Variants in VWDE observed in about 807,000 individuals in gnomAD.
VWDE encodes the protein von Willebrand factor D and EGF domains.
Under a neutral mutation model 178.4 loss-of-function variants are expected in VWDE, and 207 were observed. The ratio of observed to expected loss-of-function variants is 1.16; its 90% CI spans 1.04 to 1.30. The LOEUF (loss-of-function observed/expected upper bound fraction) is 1.30, where lower values mean the gene tolerates loss of function less well. Ranked by LOEUF, VWDE falls within the 50% of genes most tolerant of loss-of-function variation. The pLI is 0.00. For missense variants in VWDE, 2,287 were observed against 1,901.3 expected (o/e 1.20, Z -3.77); for synonymous variants, 738 against 651.4 (o/e 1.13, Z -2.02).
chr7:12,332,517 A>G (rs1217176608), intron 28 of VWDE, among the ~76,000 whole-genome samples: 1 of 152,168 alleles, frequency 6.6e-6, no homozygotes, highest in Non-Finnish European at 1.5e-5. Context: ...TAGAGGTCAT[A>G]GGGTTTTCTG....
intron 16 of VWDE, among the ~76,000 whole-genome samples, chr7:12,358,582 G>A (rs1020127836): frequency 9.9e-5 from 15 of 152,148 alleles, no homozygotes; most frequent in South Asian, 2.1e-4. Flanking sequence ...CTAATGCCCC[G>A]AGATTGTAGC....
intron 1 of VWDE, among the ~76,000 whole-genome samples, chr7:12,400,735 C>T (rs750041525): frequency 2.0e-5 from 3 of 151,946 alleles, no homozygotes; most frequent in East Asian, 1.9e-4. Flanking sequence ...CTGGCTACCC[C>T]GACAGGAAAG....
At chr7:12,375,993 G>A (rs1008380022) in intron 7 of VWDE, among the ~76,000 whole-genome samples, 5 of 151,942 alleles carry the variant, frequency 3.3e-5, no homozygotes, top group Non-Finnish European at 7.4e-5. Context: ...GTCCTCCTAA[G>A]AATCTAAAAG....
rs1782695142 is a variant in VWDE at position 12,363,572 on chromosome 7, T to C, written c.2899-2051A>G. Among the ~76,000 whole-genome samples the C allele has an allele frequency of 2.0e-5, 3 of 152,012 alleles. No individual in the cohort carries two copies. In the South Asian group the frequency reaches 6.2e-4, roughly 32 times the overall value. On this transcript the variant is annotated intron_variant, in intron 13 of 28. Coordinates refer to ENST00000275358, the MANE Select transcript of VWDE (RefSeq NM_001135924.3). ...AAAGTAGAAAAAAGCATGTAAAATA[T>C]GTTACACTTTATATTAAAAAAAGAG... is the stretch of plus-strand genomic sequence containing the variant.
chr7:12,336,945 A>C, intron 26 of VWDE, 43 bp downstream of exon 26: 1 of 1,494,212 alleles, frequency 6.7e-7, no homozygotes, highest in South Asian at 1.3e-5. Flanking sequence ...TTACATTCCC[A>C]TGAAGGACGA....
Position 12,369,858 on chromosome 7 carries a change from G to C in VWDE, c.2448C>G (p.Asn816Lys). ...CAAGACACAGCCTTCCTATGCTGGA[G>C]TTGGCTAGAGTCTCCTGACAGAGGG... is the stretch of plus-strand genomic sequence containing the variant. The part of the protein sequence containing the change: ...TLTLCQETLA[N>K]SSIGRLCLAF... Residue 816 changes from asparagine (N) to lysine (K), a missense_variant, in exon 12 of 29, where the codon AAC becomes AAG. Asn to Lys is a moderately conservative substitution (Grantham distance 94). Coordinates refer to ENST00000275358, the MANE Select transcript of VWDE (RefSeq NM_001135924.3). The C allele has an allele frequency of 1.3e-6, 2 of 1,551,512 alleles. No individual in the cohort carries two copies. The highest frequency in any genetic ancestry group is 1.7e-6 in the Non-Finnish European group (2 of 1,146,892).
intron 28 of VWDE, among the ~76,000 whole-genome samples, chr7:12,333,019 T>C (rs1780814017): frequency 1.3e-5 from 2 of 152,224 alleles, no homozygotes; most frequent in South Asian, 4.1e-4. Flanking sequence ...CCCTTGTGTG[T>C]ATAGGAATTA....
rs1413294991 is a variant in VWDE, at chr7:12,367,401, A to C, written c.2854T>G (p.Phe952Val). ...CATTTAATTGAAGGTAATTCTTTGA[A>C]GCCTTTGCCAAAAACTCTCACCATC... ...CMMVRVFGKG[F>V]KELPSIKCEV... The change falls in exon 13 of 29, where the codon TTC (phenylalanine) becomes GTC (valine). Residue 952 changes from phenylalanine (F) to valine (V), a missense_variant. Phe to Val is a conservative substitution (Grantham distance 50). Coordinates refer to ENST00000275358, the MANE Select transcript of VWDE (RefSeq NM_001135924.3). 1 of 1,547,444 alleles carries C rather than the reference A, an allele frequency of 6.5e-7. No homozygotes were observed. Among genetic ancestry groups the C allele is most frequent in the Non-Finnish European group, 8.7e-7 (1 of 1,144,782 alleles).
chr7:12,334,815 T>C (rs186646608), intron 27 of VWDE, among the ~76,000 whole-genome samples: 16 of 152,322 alleles, frequency 1.1e-4, no homozygotes, highest in Admixed American at 9.8e-4. Context: ...TTCTCTCTTA[T>C]GGTCCGCATA....
chr7:12,332,426 T>C (rs1780778006), intron 28 of VWDE, among the ~76,000 whole-genome samples: 1 of 151,984 alleles, frequency 6.6e-6, no homozygotes, highest in Admixed American at 6.6e-5. Flanking sequence ...TGAGGAAGGA[T>C]TCAGATGGCA....
Position 12,383,518 on chromosome 7 carries a change from G to T in VWDE, c.541+18C>A. The T allele has an allele frequency of 6.5e-7, 1 of 1,547,444 alleles. No individual in the cohort carries two copies. ...AGTTTATAAAAACACTATTAAAAAA[G>T]CAAAATATGATACTTACGAACACAA... is the stretch of plus-strand genomic sequence containing the variant. On this transcript the variant is annotated intron_variant, in intron 4 of 28. Transcript: ENST00000275358.
chr7:12,352,452 A>T (rs1176641910), intron 18 of VWDE, among the ~76,000 whole-genome samples: 1 of 152,216 alleles, frequency 6.6e-6, no homozygotes, highest in Non-Finnish European at 1.5e-5. Context: ...TACAATACAC[A>T]AATGACTCTG....
intron 13 of VWDE, among the ~76,000 whole-genome samples, 198 bp from the exon 14 acceptor site, chr7:12,361,719 T>C (rs746553385): frequency 8.5e-5 from 13 of 152,052 alleles, no homozygotes; most frequent in African/African-American, 1.4e-4. Context: ...ATGATGCAAA[T>C]TGCTCCCAAT....
intron 21 of VWDE, among the ~76,000 whole-genome samples, chr7:12,343,475 A>G (rs909440623): frequency 3.9e-5 from 6 of 152,178 alleles, no homozygotes; most frequent in African/African-American, 7.2e-5. Flanking sequence ...CCTTACAAAT[A>G]GAGCTTTTCT....
At chr7:12,356,836 A>T (rs1370157858) in intron 17 of VWDE, among the ~76,000 whole-genome samples, 1 of 152,232 alleles carries the variant, frequency 6.6e-6, no homozygotes, top group African/African-American at 2.4e-5. Context: ...ATCAAAAGAA[A>T]AGTCAATAAA....
intron 24 of VWDE, among the ~76,000 whole-genome samples, chr7:12,337,775 T>A (rs2024440): frequency 0.65 from 98,945 of 152,020 alleles, 33,153 homozygotes; most frequent in African/African-American, 0.83. Flanking sequence ...AAAAATATTT[T>A]TAACAATAAA....
At position 12,342,164 on chromosome 7, in the gene VWDE, T is replaced by C. The variant is rs965878855; in HGVS notation, c.4175-10A>G. ...TGCCTGTTACAAACCACTGAGATCA[T>C]AGAATAAAGAGAAAAGAAAGATTAG... is the stretch of plus-strand genomic sequence containing the variant. On this transcript the variant is annotated splice_polypyrimidine_tract_variant and intron_variant, in intron 22 of 28. Coordinates refer to ENST00000275358, the MANE Select transcript of VWDE (RefSeq NM_001135924.3). 28 of 1,549,534 alleles carry C rather than the reference T, an allele frequency of 1.8e-5. No homozygotes were observed. Among genetic ancestry groups the C allele is most frequent in the South Asian group, 1.2e-4 (10 of 83,922 alleles).
intron 18 of VWDE, among the ~76,000 whole-genome samples, chr7:12,352,915 G>A (rs1309895936): frequency 3.3e-5 from 5 of 152,032 alleles, no homozygotes; most frequent in Admixed American, 3.3e-4. Flanking sequence ...AAATCTAAGG[G>A]TTTTCCTGGA....
Position 12,336,168 on chromosome 7 carries a change from A to G in VWDE, c.4627T>C (p.Ser1543Pro), listed in dbSNP as rs1365493250. Residue 1543 changes from serine to proline, a missense_variant, in exon 27 of 29, where the codon TCC (serine) becomes CCC (proline). Physicochemically the swap from Ser to Pro is moderately conservative, Grantham distance 74. Coordinates refer to ENST00000275358, the MANE Select transcript of VWDE (RefSeq NM_001135924.3). ...ATTTGACACCGCACTCCTTCCCAGG[A>G]GGAAGGACAATGGCATATGCTGGGC... ...IAPSICHCPS[S>P]WEGVRCQIPI... 6.4e-7 allele frequency: 1 copy of G among 1,551,134 alleles called. No homozygotes were observed. The highest frequency in any genetic ancestry group is 2.4e-5 in the East Asian group (1 of 40,852).
Sources: allele counts gnomAD v4.1 joint callset (sites outside exome capture counted in the v4.1 genomes callset), GRCh38; gene constraint gnomAD v4.1.1; transcripts MANE v1.5; gene names NCBI Gene and HGNC (gene_info 2026-07-23, HGNC 2026-07-21).